Variants in PAK3 observed in about 807,000 individuals in gnomAD.
PAK3 encodes serine/threonine-protein kinase PAK 3.
PAK3 carries 4 observed loss-of-function variants against 41.0 expected under a neutral mutation model. That is an observed-to-expected ratio of 0.10 (90% confidence interval 0.05 to 0.22). The LOEUF (loss-of-function observed/expected upper bound fraction) is 0.22, where lower values mean the gene tolerates loss of function less well. Ranked by LOEUF, PAK3 falls within the 10% of genes least tolerant of loss-of-function variation. The pLI is 1.00. For missense variants in PAK3, 205 were observed against 409.9 expected (o/e 0.50, Z 4.32); for synonymous variants, 146 against 139.6 (o/e 1.05, Z -0.32).
intron 10 of PAK3, among the ~76,000 whole-genome samples, chrX:111,170,362 T>TAA (rs752379228): frequency 1.9e-5 from 2 of 105,586 alleles, no homozygotes; most frequent in Non-Finnish European, 3.9e-5. Context: ...GAACTTTCAT[T>TAA]AAAAAAAAAA....
chrX:111,050,717 T>C (rs1370009500), intron 1 of PAK3, among the ~76,000 whole-genome samples: 3 of 112,414 alleles, frequency 2.7e-5, no homozygotes, highest in Non-Finnish European at 1.9e-5. Flanking sequence ...CTTTGCTTCA[T>C]CTTGAACCCT....
At chrX:110,974,359 G>A (rs919112033) in intron 1 of PAK3, among the ~76,000 whole-genome samples, 3 of 112,219 alleles carry the variant, frequency 2.7e-5, no homozygotes, top group Non-Finnish European at 3.8e-5. Flanking sequence ...AGAAAATCTA[G>A]AAGAAATGGA....
At chrX:110,992,547 T>C (rs758626807) in intron 1 of PAK3, among the ~76,000 whole-genome samples, 1 of 110,512 alleles carries the variant, frequency 9.0e-6, no homozygotes, top group South Asian at 4.1e-4. Context: ...TACCACTCTG[T>C]AGACTGCAGA....
chrX:111,114,235 G>A (rs1214639520), intron 4 of PAK3, among the ~76,000 whole-genome samples: 1 of 111,946 alleles, frequency 8.9e-6, no homozygotes, highest in Non-Finnish European at 1.9e-5. Flanking sequence ...ATAATGTGTG[G>A]CCAGGAATGA....
chrX:111,013,627 G>T (rs1199211528), intron 1 of PAK3, among the ~76,000 whole-genome samples: 3 of 111,181 alleles, frequency 2.7e-5, no homozygotes, highest in African/African-American at 9.8e-5. Flanking sequence ...TTATTGCTCT[G>T]CACAGATAGT....
intron 10 of PAK3, among the ~76,000 whole-genome samples, chrX:111,172,267 A>G (rs1427484982): frequency 2.7e-5 from 3 of 111,867 alleles, no homozygotes; most frequent in Admixed American, 9.5e-5. Flanking sequence ...AGCCATTCTG[A>G]TCGGTCTGTA....
chrX:111,143,222 G>C lies in PAK3; in HGVS notation c.276+1026G>C, dbSNP rs147440711. On this transcript the variant is annotated intron_variant, in intron 6 of 17. Transcript: ENST00000372007. ...TACATATTAAGTAGTTGAGTTTTTT[G>C]TTTCATAACATAGTAGTGAATAGAC... Among the ~76,000 whole-genome samples, 1,093 of 111,064 alleles carry C rather than the reference G, an allele frequency of 9.8e-3. 8 individuals are homozygous for C. The highest frequency in any genetic ancestry group is 0.028 in the Middle Eastern group (6 of 214).
chrX:111,197,071 C>T lies in PAK3; in HGVS notation c.1407+431C>T, dbSNP rs188267693. 4.3e-3 allele frequency among the ~76,000 whole-genome samples: 476 copies of T among 109,950 alleles called. 1 individual carries two copies. The highest frequency in any genetic ancestry group is 0.023 in the Middle Eastern group (5 of 215). On this transcript the variant is annotated intron_variant, in intron 16 of 17. Coordinates refer to ENST00000372007, the MANE Select transcript of PAK3 (RefSeq NM_002578.5). ...AACAGGTAGTTTTTAGGTCCTCAGA[C>T]TCCTCCCACCCTCCACTCTCAAGTA... is the stretch of plus-strand genomic sequence containing the variant.
intron 1 of PAK3, among the ~76,000 whole-genome samples, chrX:110,973,924 A>G (rs988512155): frequency 8.9e-6 from 1 of 112,018 alleles, no homozygotes; most frequent in Non-Finnish European, 1.9e-5. Flanking sequence ...CTAGTCTCTG[A>G]TAAACCAGAT....
chrX:110,964,117 G>T (rs1030762682), intron 1 of PAK3, among the ~76,000 whole-genome samples: 1 of 111,791 alleles, frequency 8.9e-6, no homozygotes, highest in Non-Finnish European at 1.9e-5. Flanking sequence ...TCCCCACAAT[G>T]AATCCATTGT....
chrX:110,999,282 C>A, intron 1 of PAK3, among the ~76,000 whole-genome samples: 1 of 111,478 alleles, frequency 9.0e-6, no homozygotes, highest in Admixed American at 9.5e-5. Context: ...GAAGAAGAAA[C>A]ACATGCCCAT....
chrX:111,114,571 C>G (rs1205014741), intron 4 of PAK3, among the ~76,000 whole-genome samples: 2 of 111,543 alleles, frequency 1.8e-5, no homozygotes, highest in Admixed American at 1.9e-4. Flanking sequence ...CTTTTCCTCT[C>G]TTTATGCAGC....
chrX:111,154,057 G>A (rs1268971517), intron 8 of PAK3, among the ~76,000 whole-genome samples: 1 of 112,138 alleles, frequency 8.9e-6, no homozygotes, highest in Non-Finnish European at 1.9e-5. Flanking sequence ...GGTATATACT[G>A]TATGATTCCA....
chrX:111,156,653 G>T (rs1001987558), intron 8 of PAK3, among the ~76,000 whole-genome samples: 1 of 111,860 alleles, frequency 8.9e-6, no homozygotes, highest in Non-Finnish European at 1.9e-5. Context: ...TTGATTACAA[G>T]TTTTGCATCC....
intron 17 of PAK3, among the ~76,000 whole-genome samples, chrX:111,217,904 T>C (rs1317368815): frequency 8.9e-6 from 1 of 112,711 alleles, no homozygotes; most frequent in Non-Finnish European, 1.9e-5. Context: ...CAGATAAATG[T>C]GGCTATCCAG....
At chrX:111,087,134 AGTGTGTGT>A (rs112857612) in intron 1 of PAK3, among the ~76,000 whole-genome samples, 6,396 of 95,464 alleles carry the variant, frequency 0.067, 155 homozygotes, top group Admixed American at 0.091. Context: ...TGAACAAGTA[AGTGTGTGT>A]GTGTGTGTGT....
intron 11 of PAK3, among the ~76,000 whole-genome samples, chrX:111,186,402 C>T (rs1218893106): frequency 2.7e-5 from 3 of 111,597 alleles, no homozygotes; most frequent in Non-Finnish European, 5.6e-5. Context: ...CCCATTGTCT[C>T]AGCCCAAAAT....
chrX:111,161,488 A>G (rs1482978371), intron 8 of PAK3, among the ~76,000 whole-genome samples: 1 of 110,413 alleles, frequency 9.1e-6, no homozygotes, highest in Non-Finnish European at 1.9e-5. Flanking sequence ...CCATTTGTCA[A>G]TTTTGGCTTT....
upstream of PAK3, among the ~76,000 whole-genome samples, chrX:111,095,293 G>T (rs1321856514): frequency 5.4e-5 from 6 of 111,994 alleles, no homozygotes; most frequent in Non-Finnish European, 1.1e-4. Context: ...GTTTTCTGTA[G>T]GCATATTTTA....
Sources: allele counts gnomAD v4.1 joint callset (sites outside exome capture counted in the v4.1 genomes callset), GRCh38; gene constraint gnomAD v4.1.1; transcripts MANE v1.5; gene names NCBI Gene and HGNC (gene_info 2026-07-23, HGNC 2026-07-21).